Variants in FCER1A observed in about 807,000 individuals in gnomAD.
The protein encoded by FCER1A is high affinity immunoglobulin epsilon receptor subunit alpha.
A neutral mutation model predicts 23.6 loss-of-function variants in FCER1A; 24 were observed. The observed-to-expected ratio is 1.02, with a 90% CI of 0.74 to 1.43. The LOEUF is 1.43. Among genes scored for constraint, FCER1A ranks in the 40% most tolerant of loss-of-function variants. The pLI is 0.00. For missense variants in FCER1A, 318 were observed against 294.5 expected (o/e 1.08, Z -0.58); for synonymous variants, 121 against 108.8 (o/e 1.11, Z -0.70).
rs761924240 is a variant in FCER1A at position 159,304,119 on chromosome 1, G to A, written c.268G>A (p.Glu90Lys). 1.9e-6 allele frequency: 3 copies of A among 1,613,892 alleles called. No individual in the cohort carries two copies. The highest frequency in any genetic ancestry group is 2.5e-6 in the Non-Finnish European group (3 of 1,179,766). The change falls in exon 3 of 5, where the codon GAA becomes AAA. Residue 90 changes from glutamate to lysine, a missense_variant. Physicochemically the swap from Glu to Lys is moderately conservative, Grantham distance 56 (BLOSUM62 1). Coordinates refer to ENST00000693622, the MANE Select transcript of FCER1A (RefSeq NM_001387280.1). Reference protein sequence around the residue: ...IVNAKFEDSGEYKCQHQQVNE... With the variant: ...IVNAKFEDSGKYKCQHQQVNE... Reference sequence around the variant, plus strand: ...GAATGCCAAATTTGAAGACAGTGGAGAATACAAATGTCAGCACCAACAAGT... The same window carrying A: ...GAATGCCAAATTTGAAGACAGTGGAAAATACAAATGTCAGCACCAACAAGT...
chr1:159,305,093 CTT>C (rs1303622676), intron 3 of FCER1A, among the ~76,000 whole-genome samples: 2 of 152,008 alleles, frequency 1.3e-5, no homozygotes, highest in Non-Finnish European at 2.9e-5. Context: ...CAATAGGTCT[CTT>C]TTATACTCTA....
upstream of FCER1A, among the ~76,000 whole-genome samples, chr1:159,285,927 G>A (rs1245671189): frequency 6.6e-6 from 1 of 152,106 alleles, no homozygotes; most frequent in Non-Finnish European, 1.5e-5. Flanking sequence ...GCTCATGCCT[G>A]TAATCCCAGC....
chr1:159,303,786 A>G (rs113777906), intron 2 of FCER1A, 142 bp from the exon 3 acceptor site: 16,933 of 655,032 alleles, frequency 0.026, 255 homozygotes, highest in Middle Eastern at 0.041. Flanking sequence ...AGAAATCAAA[A>G]CAGGGTCTTA....
intron 1 of FCER1A, among the ~76,000 whole-genome samples, chr1:159,294,436 C>G (rs754790947): frequency 6.6e-6 from 1 of 152,294 alleles, no homozygotes; most frequent in South Asian, 2.1e-4. Context: ...CTTTAAGTCT[C>G]TACTTAAAAG....
chr1:159,285,608 A>C (rs187313805), upstream of FCER1A, among the ~76,000 whole-genome samples: 75 of 151,958 alleles, frequency 4.9e-4, no homozygotes, highest in African/African-American at 1.7e-3. Context: ...ATAATCAAGT[A>C]AAGTTGTCTG....
chr1:159,307,749 T>G lies in FCER1A; in HGVS notation c.591T>G (p.Ala197=), dbSNP rs1223785942. ...SEPLNITVIK[A]PREKYWLQFF... is the part of the protein sequence containing the mutation. Reference sequence around the variant, plus strand: ...CATTGCATCTGTGTTCCACTACAGCTCCGCGTGAGAAGTACTGGCTACAAT... The same window carrying G: ...CATTGCATCTGTGTTCCACTACAGCGCCGCGTGAGAAGTACTGGCTACAAT... The change falls in exon 5 of 5, where the codon GCT becomes GCG. Residue 197 remains alanine (A), a splice_region_variant and synonymous_variant. Coordinates refer to ENST00000693622, the MANE Select transcript of FCER1A (RefSeq NM_001387280.1). 2 of 1,597,072 alleles carry G rather than the reference T, an allele frequency of 1.3e-6. No homozygotes were observed. Among genetic ancestry groups the G allele is most frequent in the Non-Finnish European group, 1.7e-6 (2 of 1,166,950 alleles).
upstream of FCER1A, among the ~76,000 whole-genome samples, chr1:159,299,756 A>T (rs912746647): frequency 2.0e-5 from 3 of 152,004 alleles, no homozygotes; most frequent in African/African-American, 7.3e-5. Flanking sequence ...TGGATATGAA[A>T]CTTGAAGGAC....
chr1:159,306,020 G>A lies in FCER1A; in HGVS notation c.364G>A (p.Val122Met). ...GCTCCTTCAGGCCTCTGCTGAGGTG[G>A]TGATGGAGGGCCAGCCCCTCTTCCT... ...WLLLQASAEV[V>M]MEGQPLFLRC... Residue 122 changes from valine to methionine, a missense_variant, in exon 4 of 5, where the codon GTG (valine) becomes ATG (methionine). Transcript: ENST00000693622. The A allele has an allele frequency of 1.9e-6, 3 of 1,613,932 alleles. No homozygotes were observed. Among genetic ancestry groups the A allele is most frequent in the Non-Finnish European group, 2.5e-6 (3 of 1,179,900 alleles).
chr1:159,295,375 A>G (rs1051540209), intron 1 of FCER1A, among the ~76,000 whole-genome samples: 2 of 152,192 alleles, frequency 1.3e-5, no homozygotes, highest in Non-Finnish European at 1.5e-5. Flanking sequence ...AAACAAAAAA[A>G]TGGAAATGCA....
chr1:159,291,952 G>A (rs929827221), intron 1 of FCER1A, among the ~76,000 whole-genome samples: 1 of 152,014 alleles, frequency 6.6e-6, no homozygotes, highest in Non-Finnish European at 1.5e-5. Flanking sequence ...TGTAATTAAC[G>A]ATTTCCTCTA....
chr1:159,291,624 T>C (rs1303207555), intron 1 of FCER1A, among the ~76,000 whole-genome samples: 1 of 152,182 alleles, frequency 6.6e-6, no homozygotes, highest in Non-Finnish European at 1.5e-5. Context: ...ATTTAACTTA[T>C]ACTTCCCTTA....
chr1:159,287,145 A>G (rs1380025514), upstream of FCER1A, among the ~76,000 whole-genome samples: 1 of 152,332 alleles, frequency 6.6e-6, no homozygotes, highest in African/African-American at 2.4e-5. Flanking sequence ...ATAGCCATGC[A>G]TGTGCCATGT....
intron 2 of FCER1A, among the ~76,000 whole-genome samples, chr1:159,303,204 C>T (rs1311328643): frequency 6.6e-6 from 1 of 152,054 alleles, no homozygotes; most frequent in East Asian, 1.9e-4. Flanking sequence ...GATGCTGAAA[C>T]TCAGTGATTT....
chr1:159,285,690 TG>T (rs1209420882), upstream of FCER1A, among the ~76,000 whole-genome samples: 1 of 152,084 alleles, frequency 6.6e-6, no homozygotes, highest in African/African-American at 2.4e-5. Context: ...AGGATAAGTA[TG>T]TTACAAATAT....
intron 4 of FCER1A, 27 bp downstream of exon 4, chr1:159,306,272 A>C: frequency 6.2e-7 from 1 of 1,606,910 alleles, no homozygotes; most frequent in Non-Finnish European, 8.5e-7. Context: ...AAGGAAAAGC[A>C]TCCATAGCAG....
chr1:159,288,381 T>C (rs1456463733), upstream of FCER1A, among the ~76,000 whole-genome samples: 3 of 152,204 alleles, frequency 2.0e-5, no homozygotes, highest in Admixed American at 2.0e-4. Context: ...CTTTCCCTAC[T>C]TCATAACTGA....
chr1:159,291,502 A>G (rs72713622), intron 1 of FCER1A, among the ~76,000 whole-genome samples: 5,533 of 152,272 alleles, frequency 0.036, 110 homozygotes, highest in Middle Eastern at 0.092. Flanking sequence ...AAATAAATGT[A>G]TGTTACATGT....
chr1:159,302,818 G>T (rs750868238), intron 1 of FCER1A, 36 bp from the exon 2 acceptor site: 1 of 1,604,528 alleles, frequency 6.2e-7, no homozygotes, highest in South Asian at 1.1e-5. Flanking sequence ...AAAGAAGACT[G>T]CTGGACACTA....
upstream of FCER1A, among the ~76,000 whole-genome samples, chr1:159,289,370 A>G (rs1295503553): frequency 6.6e-6 from 1 of 152,182 alleles, no homozygotes; most frequent in Non-Finnish European, 1.5e-5. Context: ...AACTCCTGCA[A>G]TTCTAATTGC....
Sources: allele counts gnomAD v4.1 joint callset (sites outside exome capture counted in the v4.1 genomes callset), GRCh38; gene constraint gnomAD v4.1.1; transcripts MANE v1.5; gene names NCBI Gene and HGNC (gene_info 2026-07-23, HGNC 2026-07-21).